RFX4: variants seen among roughly 807,000 people sequenced by gnomAD.
RFX4 encodes the protein transcription factor RFX4.
A neutral mutation model predicts 95.0 loss-of-function variants in RFX4; 10 were observed. That is an observed-to-expected ratio of 0.11 (90% CI 0.06 to 0.18). The LOEUF is 0.18. Ranked by LOEUF, RFX4 falls within the 10% of genes least tolerant of loss-of-function variation. The probability of loss-of-function intolerance (pLI) is 1.00; values close to 1 mark genes in which losing one functional copy is unlikely to be tolerated. For synonymous variants in RFX4, 321 were observed against 340.7 expected (o/e 0.94, Z 0.64); for missense variants, 640 against 922.0 (o/e 0.69, Z 3.96).
At chr12:106,738,172 T>C (rs1311938757) in intron 15 of RFX4, among the ~76,000 whole-genome samples, 5 of 152,204 alleles carry the variant, frequency 3.3e-5, no homozygotes, top group African/African-American at 1.2e-4. Context: ...CAAATATCCC[T>C]GTCATCACCA....
chr12:106,761,576 T>C lies in RFX4; in HGVS notation c.*107T>C, dbSNP rs1013970128. The stretch of plus-strand genomic sequence containing the variant: ...CTTTATCTCTATACATTGTAACTCA[T>C]GGGCTATTCCTAAGTGCCCATTTTC... On this transcript the variant is annotated 3_prime_UTR_variant, in exon 18 of 18. Transcript: ENST00000392842. 9 of 827,642 alleles carry C rather than the reference T, an allele frequency of 1.1e-5. No homozygotes were observed. Among genetic ancestry groups the C allele is most frequent in the Non-Finnish European group, 1.4e-5 (9 of 634,266 alleles). 51.3% of individuals were successfully genotyped at this position (827,642 alleles called of 1,614,324 possible).
At chr12:106,597,822 T>C (rs1034981326) in intron 1 of RFX4, among the ~76,000 whole-genome samples, 1 of 152,120 alleles carries the variant, frequency 6.6e-6, no homozygotes, top group Non-Finnish European at 1.5e-5. Context: ...ATGGTGCCAC[T>C]GCATCCCAGC....
intron 13 of RFX4, among the ~76,000 whole-genome samples, chr12:106,729,999 A>G (rs2042581182): frequency 6.6e-6 from 1 of 152,194 alleles, no homozygotes. Flanking sequence ...CAGACATAGT[A>G]CTGGAGATGG....
intron 15 of RFX4, among the ~76,000 whole-genome samples, chr12:106,737,171 T>G (rs1248060048): frequency 5.3e-5 from 4 of 75,566 alleles, no homozygotes; most frequent in Non-Finnish European, 7.5e-5. Flanking sequence ...AGTTTTTTTT[T>G]TTTTTTTTTT....
intron 7 of RFX4, among the ~76,000 whole-genome samples, chr12:106,692,442 T>A (rs1191899006): frequency 6.6e-6 from 1 of 152,258 alleles, no homozygotes; most frequent in African/African-American, 2.4e-5. Context: ...TTTGTAATTA[T>A]TTTATTGAGA....
At position 106,586,213 on chromosome 12, in the gene RFX4, G is replaced by GGC. The variant is rs1318073122; in HGVS notation, c.43+2851_43+2852dup. On this transcript the variant is annotated intron_variant, in intron 1 of 17. Coordinates refer to ENST00000392842, the MANE Select transcript of RFX4 (RefSeq NM_213594.3). The surrounding 1 kb of genome is among the most constrained non-coding windows in gnomAD (Gnocchi z 5.6). Reference sequence around the variant, plus strand: ...CGCAGGGGCAGTCGACGCACCTTCTGGCCGGTGCGCGGTTTGCAGTAAGCG... The same window carrying GGC: ...CGCAGGGGCAGTCGACGCACCTTCTGGCGCCGGTGCGCGGTTTGCAGTAAGCG... Among the ~76,000 whole-genome samples the GGC allele has an allele frequency of 1.3e-5, 2 of 152,052 alleles. No individual in the cohort carries two copies. The highest frequency in any genetic ancestry group is 4.8e-5 in the African/African-American group (2 of 41,438).
chr12:106,692,874 G>A (rs1038317307), intron 7 of RFX4, among the ~76,000 whole-genome samples: 3 of 152,092 alleles, frequency 2.0e-5, no homozygotes, highest in Non-Finnish European at 4.4e-5. Context: ...ACAAATGCTG[G>A]TAACTCTGAG....
intron 1 of RFX4, among the ~76,000 whole-genome samples, chr12:106,594,635 C>T (rs1254023908): frequency 6.6e-6 from 1 of 152,090 alleles, no homozygotes; most frequent in Non-Finnish European, 1.5e-5. Context: ...GAGCTCGCCC[C>T]GCATGTACTG....
intron 1 of RFX4, among the ~76,000 whole-genome samples, chr12:106,591,125 CTCT>C (rs748050060): frequency 3.3e-5 from 5 of 152,132 alleles, no homozygotes; most frequent in African/African-American, 7.2e-5. Context: ...TATGGACAAT[CTCT>C]TCTTCTTTCT....
intron 17 of RFX4, among the ~76,000 whole-genome samples, chr12:106,760,301 C>T (rs972399468): frequency 1.3e-5 from 2 of 152,168 alleles, no homozygotes; most frequent in African/African-American, 4.8e-5. Flanking sequence ...TAGCTCCTCC[C>T]CTTCCTCCCC....
intron 13 of RFX4, among the ~76,000 whole-genome samples, chr12:106,723,426 T>C (rs1019304610): frequency 2.6e-5 from 4 of 152,110 alleles, no homozygotes; most frequent in Non-Finnish European, 5.9e-5. Flanking sequence ...TCATTCTGGG[T>C]TTTCAGCAAA....
intron 3 of RFX4, among the ~76,000 whole-genome samples, chr12:106,652,278 G>T (rs575578315): frequency 6.6e-6 from 1 of 152,166 alleles, no homozygotes; most frequent in African/African-American, 2.4e-5. Flanking sequence ...TGAGTTAAAG[G>T]TTATCTGTGT....
At chr12:106,598,367 T>C (rs2039650000) in intron 1 of RFX4, among the ~76,000 whole-genome samples, 1 of 152,118 alleles carries the variant, frequency 6.6e-6, no homozygotes, top group Admixed American at 6.5e-5. Context: ...AAAATCTGCA[T>C]AATAATAGAA....
chr12:106,614,578 G>T (rs997589312), intron 2 of RFX4, among the ~76,000 whole-genome samples: 19 of 146,600 alleles, frequency 1.3e-4, no homozygotes, highest in Middle Eastern at 3.8e-3. Flanking sequence ...GCGCGATCTC[G>T]GCTCACTGCA....
At chr12:106,722,320 G>A (rs1283029526) in intron 13 of RFX4, among the ~76,000 whole-genome samples, 1 of 152,148 alleles carries the variant, frequency 6.6e-6, no homozygotes, top group Non-Finnish European at 1.5e-5. Context: ...TCCTCTCCAT[G>A]CTTTATCCTT....
intron 17 of RFX4, among the ~76,000 whole-genome samples, chr12:106,757,545 C>T (rs1328066439): frequency 1.5e-5 from 2 of 133,648 alleles, no homozygotes; most frequent in Admixed American, 7.9e-5. Flanking sequence ...AAGACCCTGT[C>T]TCAAAAAAAA....
At chr12:106,657,334 A>G (rs2040980110) in intron 4 of RFX4, among the ~76,000 whole-genome samples, 1 of 152,200 alleles carries the variant, frequency 6.6e-6, no homozygotes, top group Non-Finnish European at 1.5e-5. Context: ...AAGTGGGCTG[A>G]GGCAACACAG....
intron 3 of RFX4, among the ~76,000 whole-genome samples, chr12:106,651,862 A>T (rs1367752588): frequency 6.6e-6 from 1 of 152,206 alleles, no homozygotes; most frequent in African/African-American, 2.4e-5. Context: ...CCTGAATTTT[A>T]AAAATTGGGC....
chr12:106,622,074 T>G (rs1199742290), intron 2 of RFX4, among the ~76,000 whole-genome samples: 1 of 152,170 alleles, frequency 6.6e-6, no homozygotes, highest in Non-Finnish European at 1.5e-5. Context: ...AATTGAGACC[T>G]AGAGAAGTGA....
Sources: gnomAD v4.1 joint callset for allele counts (sites outside exome capture counted in the v4.1 genomes callset) on GRCh38, gnomAD v4.1.1 for gene constraint, Gnocchi (gnomAD v3.1) non-coding constraint, MANE v1.5 for transcripts, NCBI Gene and HGNC (gene_info 2026-07-23, HGNC 2026-07-21) for gene names.